Variants in XPNPEP3 observed in about 807,000 individuals in gnomAD.
XPNPEP3 encodes X-prolyl aminopeptidase 3.
A neutral mutation model predicts 60.0 loss-of-function variants in XPNPEP3; 41 were observed. That is an observed-to-expected ratio of 0.68 (90% confidence interval 0.53 to 0.89). The LOEUF (loss-of-function observed/expected upper bound fraction) is 0.89. Ranked by LOEUF, XPNPEP3 falls within the 40% of genes least tolerant of loss-of-function variation. The pLI is 0.00. For synonymous variants in XPNPEP3, 212 were observed against 223.2 expected, an observed-to-expected ratio of 0.95 and a Z score of 0.45; for missense variants, 598 against 638.9, an observed-to-expected ratio of 0.94 and a Z score of 0.69.
At chr22:40,920,939 T>A (rs1569032758) in intron 7 of XPNPEP3, among the ~76,000 whole-genome samples, 1 of 152,140 alleles carries the variant, frequency 6.6e-6, no homozygotes, top group African/African-American at 2.4e-5. Flanking sequence ...ATTACAGACA[T>A]GCACCACCAT....
chr22:40,862,617 G>T, intron 1 of XPNPEP3: 1 of 985,430 alleles, frequency 1.0e-6, no homozygotes, highest in Non-Finnish European at 1.2e-6. Context: ...GCTCAGGCTG[G>T]GGGTGTCAAT....
Position 40,903,530 on chromosome 22 carries a change from G to A in XPNPEP3, c.793-4057G>A, listed in dbSNP as rs148563605. Among the ~76,000 whole-genome samples the A allele has an allele frequency of 3.3e-3, 494 of 149,888 alleles. 1 individual carries two copies. The highest frequency in any genetic ancestry group is 0.012 in the African/African-American group (474 of 40,644). ...TTTTAAGATGGAATCTTACTCTGTC[G>A]CCCAGGCTGGAGTGCAGTGGTGCGA... is the stretch of plus-strand genomic sequence containing the variant. On this transcript the variant is annotated intron_variant, in intron 4 of 9. Transcript: ENST00000357137.
rs187931394 is a variant in XPNPEP3, at chr22:40,872,611, C to T, written c.181+3496C>T. Among the ~76,000 whole-genome samples the T allele has an allele frequency of 7.3e-3, 1,102 of 151,466 alleles. 21 individuals carry two copies. Among genetic ancestry groups the T allele is most frequent in the Admixed American group, 0.047 (704 of 15,020 alleles). On this transcript the variant is annotated intron_variant, in intron 2 of 9. Transcript: ENST00000357137. ...GATTACAGGCGCCTGCTACCACATC[C>T]GGCTAATTTTTGTATTTTTAGTAGA...
rs2058219836 is a variant in XPNPEP3 at position 40,922,352 on chromosome 22, G to GAA, written c.1076_1077dup (p.Leu360AsnfsTer7). On this transcript the variant is annotated frameshift_variant, in exon 8 of 10. Coordinates refer to ENST00000357137, the MANE Select transcript of XPNPEP3 (RefSeq NM_022098.4). LOFTEE classifies it high-confidence loss of function. ...CCCCAGGTTCACCGCACCTCAGGCAGAACTCTATGAAGCCGTTCTAGAGAT... is the reference window on the plus strand; with the variant it reads ...CCCCAGGTTCACCGCACCTCAGGCAGAAAACTCTATGAAGCCGTTCTAGAGAT... 1.2e-6 allele frequency: 2 copies of GAA among 1,613,840 alleles called. No individual in the cohort carries two copies.
In XPNPEP3 at chr22:40,886,642, G is replaced by C. The variant is rs2029988755; in HGVS notation, c.792+127G>C. On this transcript the variant is annotated intron_variant, in intron 4 of 9. Coordinates refer to ENST00000357137, the MANE Select transcript of XPNPEP3 (RefSeq NM_022098.4). ...AGATCGAGACCATCCTGGCTAACAT[G>C]GTGAAACCCCGTCTCTACTAAAAAA... is the stretch of plus-strand genomic sequence containing the variant. 6 of 824,392 alleles carry C rather than the reference G, an allele frequency of 7.3e-6. No homozygotes were observed. The South Asian group carries it at 8.6e-5, about 12-fold the overall frequency. 51.1% of individuals were successfully genotyped at this position (824,392 alleles called of 1,614,324 possible).
intron 1 of XPNPEP3, among the ~76,000 whole-genome samples, chr22:40,858,306 C>T (rs2057916408): frequency 7.2e-6 from 1 of 139,370 alleles, no homozygotes; most frequent in Non-Finnish European, 1.5e-5. Flanking sequence ...CAGGTTTTGC[C>T]ACGTTGGCCA....
chr22:40,923,888 C>A (rs763103458), intron 8 of XPNPEP3, among the ~76,000 whole-genome samples: 5 of 151,830 alleles, frequency 3.3e-5, no homozygotes, highest in African/African-American at 4.8e-5. Flanking sequence ...TGGTAGGTGC[C>A]CAAAAGTGTG....
At chr22:40,886,001 A>G (rs2058067241) in intron 3 of XPNPEP3, among the ~76,000 whole-genome samples, 1 of 152,104 alleles carries the variant, frequency 6.6e-6, no homozygotes, top group Non-Finnish European at 1.5e-5. Flanking sequence ...GAGAGAGAGA[A>G]AGAGAGAAAA....
intron 7 of XPNPEP3, among the ~76,000 whole-genome samples, chr22:40,918,226 T>C (rs969113165): frequency 3.3e-5 from 5 of 151,742 alleles, no homozygotes; most frequent in Non-Finnish European, 7.4e-5. Context: ...TACAAAAAAT[T>C]GGCCAACTAT....
chr22:40,884,963 G>A (rs142573956), intron 3 of XPNPEP3, among the ~76,000 whole-genome samples: 2,536 of 151,966 alleles, frequency 0.017, 70 homozygotes, highest in African/African-American at 0.059. Flanking sequence ...GGGAGGTGGA[G>A]GTTGCAGTGA....
intron 4 of XPNPEP3, among the ~76,000 whole-genome samples, chr22:40,892,684 A>G (rs2058092646): frequency 6.6e-6 from 1 of 152,134 alleles, no homozygotes; most frequent in South Asian, 2.1e-4. Flanking sequence ...ACTAGAAAAT[A>G]AATTTGGGAC....
Position 40,914,378 on chromosome 22 carries a change from A to C in XPNPEP3, c.1055+54A>C. 2.1e-6 allele frequency: 3 copies of C among 1,432,308 alleles called. No homozygotes were observed. The South Asian group carries it at 3.4e-5, about 16-fold the overall frequency. 88.7% of individuals were successfully genotyped at this position (1,432,308 alleles called of 1,614,324 possible). Reference sequence around the variant, plus strand: ...ACTGCTTCTTAGGAGTATGAGTTGGAATATGGCTATATTTGGAATGAATGA... The same window carrying C: ...ACTGCTTCTTAGGAGTATGAGTTGGCATATGGCTATATTTGGAATGAATGA... On this transcript the variant is annotated intron_variant, in intron 7 of 9. Transcript: ENST00000357137.
At position 40,924,487 on chromosome 22, in the gene XPNPEP3, G is replaced by A. The variant is rs1254099926; in HGVS notation, c.1357+5G>A. The A allele has an allele frequency of 5.0e-6, 8 of 1,614,024 alleles. No homozygotes were observed. Among genetic ancestry groups the A allele is most frequent in the African/African-American group, 1.3e-5 (1 of 75,038 alleles). ...TGGTAATCACAATTGAGCCCGGTAAGGAGAGGTGTTACAATAGTAGTATGA... is the reference window on the plus strand; with the variant it reads ...TGGTAATCACAATTGAGCCCGGTAAAGAGAGGTGTTACAATAGTAGTATGA... On this transcript the variant is annotated splice_donor_5th_base_variant and intron_variant, in intron 9 of 9. Transcript: ENST00000357137.
chr22:40,898,455 T>G (rs540460957), intron 4 of XPNPEP3, among the ~76,000 whole-genome samples: 3 of 141,566 alleles, frequency 2.1e-5, no homozygotes, highest in African/African-American at 8.8e-5. Context: ...GGGTTTCACC[T>G]TGTTAGCCAG....
In XPNPEP3 at chr22:40,885,091, A is replaced by G. The variant is rs528548810; in HGVS notation, c.590-1222A>G. On this transcript the variant is annotated intron_variant, in intron 3 of 9. Coordinates refer to ENST00000357137, the MANE Select transcript of XPNPEP3 (RefSeq NM_022098.4). ...TATCGTAAGTAGGAAGGTGTTTCCC[A>G]TGTAGTATATATTTAGAACCATTTT... Among the ~76,000 whole-genome samples, 189 of 152,224 alleles carry G rather than the reference A, an allele frequency of 1.2e-3. 2 individuals carry two copies. Among genetic ancestry groups the G allele is most frequent in the African/African-American group, 4.5e-3 (185 of 41,526 alleles).
chr22:40,861,162 T>C, intron 1 of XPNPEP3: 1 of 1,614,142 alleles, frequency 6.2e-7, no homozygotes, highest in Non-Finnish European at 8.5e-7. Context: ...AATAGGGGGA[T>C]CTCTGTTGCT....
In XPNPEP3 at chr22:40,930,796, C is replaced by G. The variant is rs1031959103; in HGVS notation, c.*4361C>G. On this transcript the variant is annotated 3_prime_UTR_variant, in exon 10 of 10. Coordinates refer to ENST00000357137, the MANE Select transcript of XPNPEP3 (RefSeq NM_022098.4). ...GGCCAGGCCAGGCTGGTCTTGATCT[C>G]CTGACCTTGTGATCCACCCACCTCA... The G allele has an allele frequency of 2.6e-5, 4 of 151,994 alleles. No homozygotes were observed. The highest frequency in any genetic ancestry group is 6.6e-5 in the Admixed American group (1 of 15,234). The allele number at this position is 151,994 out of a possible 1,614,324, so 9.4% of individuals were successfully genotyped here. A position where few individuals can be genotyped will look rare whatever the true frequency, so the allele number is the denominator to read the frequency against.
At chr22:40,863,903 G>A (rs1242819305) in intron 1 of XPNPEP3, among the ~76,000 whole-genome samples, 1 of 152,048 alleles carries the variant, frequency 6.6e-6, no homozygotes, top group African/African-American at 2.4e-5. Context: ...TGCATTTCTC[G>A]GACTAGGACT....
chr22:40,903,871 CTG>C (rs1439647431), intron 4 of XPNPEP3, among the ~76,000 whole-genome samples: 1 of 83,972 alleles, frequency 1.2e-5, no homozygotes, highest in Admixed American at 1.7e-4. Flanking sequence ...ATCTCTCTCT[CTG>C]TCACACACAC....
Sources: gnomAD v4.1 joint callset for allele counts (sites outside exome capture counted in the v4.1 genomes callset) on GRCh38, gnomAD v4.1.1 for gene constraint, MANE v1.5 for transcripts, NCBI Gene and HGNC (gene_info 2026-07-23, HGNC 2026-07-21) for gene names.